DNAJC8: variants seen among roughly 807,000 people sequenced by gnomAD.
DNAJC8 encodes the protein DnaJ heat shock protein family (Hsp40) member C8.
In DNAJC8, 24 loss-of-function variants were observed where a neutral mutation model predicts 43.2. That is an observed-to-expected ratio of 0.56 (90% CI 0.40 to 0.78). The LOEUF (loss-of-function observed/expected upper bound fraction) is 0.78, where lower values mean the gene tolerates loss of function less well. DNAJC8 is among the 30% of genes least tolerant of loss of function. DNAJC8 has a pLI of 0.00. For missense variants in DNAJC8, 207 were observed against 299.4 expected, an observed-to-expected ratio of 0.69 and a Z score of 2.28; for synonymous variants, 83 against 98.0, an observed-to-expected ratio of 0.85 and a Z score of 0.90.
At chr1:28,212,181 A>ATATT (rs1646817032) in intron 3 of DNAJC8, among the ~76,000 whole-genome samples, 2 of 51,064 alleles carry the variant, frequency 3.9e-5, no homozygotes, top group African/African-American at 1.5e-4. Flanking sequence ...ATATATATAT[A>ATATT]TATATATATA....
intron 2 of DNAJC8, among the ~76,000 whole-genome samples, chr1:28,225,441 A>G (rs1193611897): frequency 1.3e-5 from 2 of 151,410 alleles, no homozygotes; most frequent in Non-Finnish European, 2.9e-5. Flanking sequence ...ATATCATGCT[A>G]AGTGAAATAA....
At chr1:28,213,681 C>T (rs61787031) in intron 3 of DNAJC8, among the ~76,000 whole-genome samples, 9,821 of 152,066 alleles carry the variant, frequency 0.065, 434 homozygotes, top group Non-Finnish European at 0.096. Flanking sequence ...ATAGAAAATC[C>T]AATTTGCAAA....
intron 7 of DNAJC8, among the ~76,000 whole-genome samples, chr1:28,205,057 G>C (rs1646759669): frequency 3.9e-5 from 6 of 152,056 alleles, no homozygotes. Context: ...CCTAAGGACA[G>C]ACCTATTCAA....
rs531142146 is a variant in DNAJC8, at chr1:28,213,399, GA to G, written c.237+1540del. Among the ~76,000 whole-genome samples, 167 of 145,616 alleles carry G rather than the reference GA, an allele frequency of 1.1e-3. 1 individual carries two copies. The highest frequency in any genetic ancestry group is 3.4e-3 in the Middle Eastern group (1 of 292). Reference sequence around the variant, plus strand: ...TAAGTATAGAGTAGAGCTTAGGAAGGAAAAAAAAAAGCTATAAAGTTATATA... The same window carrying G: ...TAAGTATAGAGTAGAGCTTAGGAAGGAAAAAAAAAGCTATAAAGTTATATA... On this transcript the variant is annotated intron_variant, in intron 3 of 8. Coordinates refer to ENST00000263697, the MANE Select transcript of DNAJC8 (RefSeq NM_014280.3).
intron 2 of DNAJC8, among the ~76,000 whole-genome samples, chr1:28,223,610 G>A (rs1303920898): frequency 6.6e-6 from 1 of 151,230 alleles, no homozygotes; most frequent in Non-Finnish European, 1.5e-5. Context: ...TGCACTGGCT[G>A]TAATGCTATA....
intron 2 of DNAJC8, among the ~76,000 whole-genome samples, chr1:28,222,661 C>T (rs889135957): frequency 6.6e-6 from 1 of 152,020 alleles, no homozygotes; most frequent in Admixed American, 6.6e-5. Context: ...CAGACGTCTA[C>T]TCTGGGTGGG....
chr1:28,205,792 G>A (rs1311220205), intron 6 of DNAJC8, among the ~76,000 whole-genome samples: 1 of 152,138 alleles, frequency 6.6e-6, no homozygotes, highest in Non-Finnish European at 1.5e-5. Context: ...GGAGGCTGAG[G>A]CAGGAGAATC....
At chr1:28,222,166 T>C (rs1288566812) in intron 2 of DNAJC8, among the ~76,000 whole-genome samples, 1 of 152,056 alleles carries the variant, frequency 6.6e-6, no homozygotes, top group African/African-American at 2.4e-5. Flanking sequence ...ATAGTAATGG[T>C]TGGACAACAC....
At chr1:28,205,557 T>C (rs567414975) in intron 6 of DNAJC8, among the ~76,000 whole-genome samples, 6 of 152,228 alleles carry the variant, frequency 3.9e-5, no homozygotes, top group East Asian at 3.9e-4. Flanking sequence ...CCTGGCAACA[T>C]AGTGAAACTC....
At chr1:28,213,069 A>G (rs1646826357) in intron 3 of DNAJC8, among the ~76,000 whole-genome samples, 1 of 152,192 alleles carries the variant, frequency 6.6e-6, no homozygotes, top group African/African-American at 2.4e-5. Flanking sequence ...AACTCATGGG[A>G]TAGACACCAT....
intron 2 of DNAJC8, among the ~76,000 whole-genome samples, chr1:28,217,134 A>T (rs1382544036): frequency 4.4e-5 from 6 of 136,578 alleles, no homozygotes; most frequent in East Asian, 4.3e-4. Context: ...TAAACAAATA[A>T]TTTTTTTTTT....
chr1:28,207,693 C>T (rs1215926637), intron 6 of DNAJC8, among the ~76,000 whole-genome samples: 3 of 151,694 alleles, frequency 2.0e-5, no homozygotes, highest in Non-Finnish European at 2.9e-5. Context: ...CCACCCGCCA[C>T]GGCCTCCCAA....
intron 3 of DNAJC8, among the ~76,000 whole-genome samples, chr1:28,212,155 C>CAATA (rs1553167901): frequency 0.085 from 2,856 of 33,608 alleles, 324 homozygotes; most frequent in Non-Finnish European, 0.13. Flanking sequence ...GACTCCGTCT[C>CAATA]AATAAATAAA....
intron 6 of DNAJC8, among the ~76,000 whole-genome samples, chr1:28,205,583 AT>A (rs1557705394): frequency 6.6e-6 from 1 of 152,072 alleles, no homozygotes; most frequent in African/African-American, 2.4e-5. Context: ...CTACAAAAAA[AT>A]TTTTTTTAAA....
rs1300407638 is a variant in DNAJC8 at position 28,226,110 on chromosome 1, A to G, written c.180+2812T>C. On this transcript the variant is annotated intron_variant, in intron 2 of 8. Transcript: ENST00000263697. ...GTTGTTTCTATTATTTAACAGATAC[A>G]AAAATATTCACTTCAAAATTATTTG... Among the ~76,000 whole-genome samples, 4 of 151,496 alleles carry G rather than the reference A, an allele frequency of 2.6e-5. 1 individual carries two copies. Among genetic ancestry groups the G allele is most frequent in the Non-Finnish European group, 5.9e-5 (4 of 67,806 alleles).
At chr1:28,209,113 T>C (rs80313103) in intron 5 of DNAJC8, among the ~76,000 whole-genome samples, 1 of 152,198 alleles carries the variant, frequency 6.6e-6, no homozygotes, top group East Asian at 1.9e-4. Flanking sequence ...GAAGCCACAA[T>C]GATTTAAGGA....
Position 28,201,514 on chromosome 1 carries a change from C to A in DNAJC8, c.640-144G>T, listed in dbSNP as rs956957301. On this transcript the variant is annotated intron_variant, in intron 8 of 8. Transcript: ENST00000263697. ...CAAGAGTAGAATAGAGCTGGCCAGG[C>A]ACAGTGGCTCATACCTATAATCCCA... The A allele has an allele frequency of 1.6e-5, 21 of 1,286,256 alleles. No homozygotes were observed. In the Admixed American group the frequency reaches 4.0e-4, roughly 24 times the overall value. 79.7% of individuals were successfully genotyped at this position (1,286,256 alleles called of 1,614,324 possible).
chr1:28,232,054 C>A (rs1002029134), intron 1 of DNAJC8, among the ~76,000 whole-genome samples: 3 of 152,072 alleles, frequency 2.0e-5, no homozygotes, highest in Non-Finnish European at 4.4e-5. Context: ...CGCGCCCAAC[C>A]AAGAATTTTT....
intron 2 of DNAJC8, among the ~76,000 whole-genome samples, chr1:28,226,861 GCA>G (rs1184145280): frequency 6.6e-6 from 1 of 150,852 alleles, no homozygotes; most frequent in Non-Finnish European, 1.5e-5. Context: ...ATATTTGTAA[GCA>G]CAAATAATGT....
Sources: allele counts gnomAD v4.1 joint callset (sites outside exome capture counted in the v4.1 genomes callset), GRCh38; gene constraint gnomAD v4.1.1; transcripts MANE v1.5; gene names NCBI Gene and HGNC (gene_info 2026-07-23, HGNC 2026-07-21).